The following SPEN variants were observed in gnomAD, a reference collection of about 807,000 sequenced individuals.
SPEN encodes the protein spen family transcriptional repressor, also known as msx2-interacting protein.
A neutral mutation model predicts 269.9 loss-of-function variants in SPEN; 18 were observed. The observed-to-expected ratio is 0.07, with a 90% CI of 0.05 to 0.10. The LOEUF (loss-of-function observed/expected upper bound fraction) is 0.10, where lower values mean the gene tolerates loss of function less well. Among genes scored for constraint, SPEN ranks in the 10% least tolerant of loss-of-function variants. The pLI is 1.00. For missense variants in SPEN, 3,822 were observed against 4,631.2 expected (o/e 0.83, Z 5.07); for synonymous variants, 1,726 against 1,765.7 (o/e 0.98, Z 0.56).
chr1:15,935,123 T>C lies in SPEN; in HGVS notation c.8883T>C (p.Ala2961=), dbSNP rs768041951. The C allele has an allele frequency of 3.1e-6, 5 of 1,613,956 alleles. No individual in the cohort carries two copies. The African/African-American group carries it at 5.3e-5, about 17-fold the overall frequency. The change falls in exon 11 of 15, where the codon GCT becomes GCC. Residue 2961 remains alanine, a synonymous_variant. Transcript: ENST00000375759. The surrounding 1 kb of genome is among the most constrained non-coding windows in gnomAD (Gnocchi z 7.7). The part of the protein sequence containing the change: ...PSIVTTNKKL[A]DPVTLKIETK... Reference sequence around the variant, plus strand: ...TTGTCACCACAAACAAGAAGCTTGCTGACCCCGTCACCCTTAAAATCGAGA... The same window carrying C: ...TTGTCACCACAAACAAGAAGCTTGCCGACCCCGTCACCCTTAAAATCGAGA...
intron 1 of SPEN, among the ~76,000 whole-genome samples, chr1:15,854,082 C>G (rs2070362731): frequency 6.6e-6 from 1 of 151,948 alleles, no homozygotes; most frequent in Non-Finnish European, 1.5e-5. Flanking sequence ...ATTACAGGCG[C>G]CAGCCACCAT....
In SPEN at chr1:15,937,716, T is replaced by C. The variant is rs1469357461; in HGVS notation, c.10509+71T>C. On this transcript the variant is annotated intron_variant, in intron 12 of 14. Transcript: ENST00000375759. The surrounding 1 kb of genome is among the most constrained non-coding windows in gnomAD (Gnocchi z 5.7). Reference sequence around the variant, plus strand: ...CCATGTCAAATGTCCTAAGATTCCCTAGTTAACAGACCCACAAGCTACAGC... The same window carrying C: ...CCATGTCAAATGTCCTAAGATTCCCCAGTTAACAGACCCACAAGCTACAGC... 1 of 1,606,446 alleles carries C rather than the reference T, an allele frequency of 6.2e-7. No individual in the cohort carries two copies. The highest frequency in any genetic ancestry group is 1.3e-5 in the African/African-American group (1 of 74,588).
Position 15,928,006 on chromosome 1 carries a change from C to A in SPEN, c.1851-85C>A. ...ATAATGTCAAAAGATTTTTTAGAAGCAGGAATTTCTGATTTCATATGTATG... is the reference window on the plus strand; with the variant it reads ...ATAATGTCAAAAGATTTTTTAGAAGAAGGAATTTCTGATTTCATATGTATG... On this transcript the variant is annotated intron_variant, in intron 10 of 14. Transcript: ENST00000375759. The surrounding 1 kb of genome is among the most constrained non-coding windows in gnomAD (Gnocchi z 5.7). The A allele has an allele frequency of 8.0e-7, 1 of 1,248,084 alleles. No homozygotes were observed. Among genetic ancestry groups the A allele is most frequent in the Non-Finnish European group, 1.1e-6 (1 of 903,312 alleles). 77.3% of individuals were successfully genotyped at this position (1,248,084 alleles called of 1,614,324 possible). A position where few individuals can be genotyped will look rare whatever the true frequency, so the allele number is the denominator to read the frequency against.
Position 15,886,959 on chromosome 1 carries a change from G to T in SPEN, c.881+10281G>T, listed in dbSNP as rs186919541. ...TGTGACATGACATGATGTCTTGTGG[G>T]TTTTAATTTACTCTGGATGATTGAT... On this transcript the variant is annotated intron_variant, in intron 3 of 14. Transcript: ENST00000375759. 7.7e-3 allele frequency among the ~76,000 whole-genome samples: 1,174 copies of T among 152,258 alleles called. 12 individuals are homozygous for T. The highest frequency in any genetic ancestry group is 0.01 in the Non-Finnish European group (700 of 68,016).
chr1:15,894,318 A>G (rs1374658235), intron 3 of SPEN, among the ~76,000 whole-genome samples: 1 of 152,158 alleles, frequency 6.6e-6, no homozygotes, highest in South Asian at 2.1e-4. Context: ...TTAGGCAGAC[A>G]TGTTACATCT....
chr1:15,883,412 G>A (rs937821566), intron 3 of SPEN, among the ~76,000 whole-genome samples: 6 of 152,242 alleles, frequency 3.9e-5, no homozygotes, highest in Admixed American at 1.3e-4. Context: ...CTTTGCATTA[G>A]AACGATGTAC....
rs1285751623 is a variant in SPEN, at chr1:15,877,498, T to G, written c.881+820T>G. 2.0e-5 allele frequency among the ~76,000 whole-genome samples: 3 copies of G among 152,172 alleles called. No individual in the cohort carries two copies. In the East Asian group the frequency reaches 5.8e-4, roughly 29 times the overall value. On this transcript the variant is annotated intron_variant, in intron 3 of 14. Coordinates refer to ENST00000375759, the MANE Select transcript of SPEN (RefSeq NM_015001.3). ...CCAGGCTGTTCTTGAACTCCTGACCTCAAGTGATTTGCCCACCTCATCCTC... is the reference window on the plus strand; with the variant it reads ...CCAGGCTGTTCTTGAACTCCTGACCGCAAGTGATTTGCCCACCTCATCCTC...
At chr1:15,936,641 T>TAAA (rs1570073342) in intron 11 of SPEN, among the ~76,000 whole-genome samples, 1 of 69,122 alleles carries the variant, frequency 1.4e-5, no homozygotes, top group African/African-American at 4.3e-5. Flanking sequence ...AGACCCAGTC[T>TAAA]CAAAAAAAAA....
chr1:15,928,666 T>C lies in SPEN; in HGVS notation c.2426T>C (p.Ile809Thr), dbSNP rs1570058620. Residue 809 changes from isoleucine to threonine, a missense_variant, in exon 11 of 15, where the codon ATA (isoleucine) becomes ACA (threonine). Around this residue, in one of 16 missense-constraint regions of SPEN, gnomAD observed 572 missense variants for 582.6 expected, o/e 0.98. Transcript: ENST00000375759. The surrounding 1 kb of genome is among the most constrained non-coding windows in gnomAD (Gnocchi z 5.7). ...AGAGTGGAGAGAGAGAGACGCTTAA[T>C]ACGGAAGGAAAAAGTGGAAAAGGAC... is the stretch of plus-strand genomic sequence containing the variant. Reference protein sequence around the residue: ...PERVERERRLIRKEKVEKDKT... With the variant: ...PERVERERRLTRKEKVEKDKT... The C allele has an allele frequency of 1.2e-6, 2 of 1,613,704 alleles. No homozygotes were observed. Among genetic ancestry groups the C allele is most frequent in the East Asian group, 4.5e-5 (2 of 44,848 alleles).
At chr1:15,904,451 T>TAAAAA in intron 3 of SPEN, among the ~76,000 whole-genome samples, 1 of 15,876 alleles carries the variant, frequency 6.3e-5, no homozygotes, top group South Asian at 2.3e-3. Flanking sequence ...AAACTCCATC[T>TAAAAA]CAAAAAAAAA....
At chr1:15,888,777 A>G (rs1230737320) in intron 3 of SPEN, among the ~76,000 whole-genome samples, 1 of 151,738 alleles carries the variant, frequency 6.6e-6, no homozygotes, top group African/African-American at 2.4e-5. Flanking sequence ...GATTACAGAC[A>G]TGCGCCACCA....
chr1:15,871,073 A>G (rs925744059), intron 1 of SPEN, among the ~76,000 whole-genome samples: 1 of 151,980 alleles, frequency 6.6e-6, no homozygotes, highest in Non-Finnish European at 1.5e-5. Context: ...GGTTCAAGTG[A>G]TTCTCCTGCC....
chr1:15,864,385 T>C (rs949797616), intron 1 of SPEN, among the ~76,000 whole-genome samples: 1 of 151,950 alleles, frequency 6.6e-6, no homozygotes, highest in African/African-American at 2.4e-5. Context: ...GGCAAGGCTG[T>C]TCTCAAACTC....
chr1:15,888,011 G>A lies in SPEN; in HGVS notation c.881+11333G>A, dbSNP rs763796077. 6.4e-4 allele frequency among the ~76,000 whole-genome samples: 97 copies of A among 151,734 alleles called. 1 individual carries two copies. The highest frequency in any genetic ancestry group is 2.6e-3 in the Admixed American group (40 of 15,238). ...CCACTGCACTCCAGCTTGGGTGACC[G>A]AGGGACACTCCGTCTCAATAAAAAC... On this transcript the variant is annotated intron_variant, in intron 3 of 14. Coordinates refer to ENST00000375759, the MANE Select transcript of SPEN (RefSeq NM_015001.3).
chr1:15,864,760 C>T (rs2070485434), intron 1 of SPEN, among the ~76,000 whole-genome samples: 1 of 151,380 alleles, frequency 6.6e-6, no homozygotes, highest in South Asian at 2.1e-4. Flanking sequence ...CCCGTCTCAG[C>T]CTACCGAGTA....
chr1:15,865,679 T>C (rs914029128), intron 1 of SPEN, among the ~76,000 whole-genome samples: 2 of 147,306 alleles, frequency 1.4e-5, no homozygotes, highest in African/African-American at 5.0e-5. Flanking sequence ...ACCCATTTTG[T>C]CCTCCCAAAG....
At chr1:15,883,954 C>T (rs1276624691) in intron 3 of SPEN, among the ~76,000 whole-genome samples, 9 of 151,638 alleles carry the variant, frequency 5.9e-5, no homozygotes, top group South Asian at 2.1e-4. Flanking sequence ...GGCCTACAGG[C>T]GCCCGCCACC....
chr1:15,930,495 G>A lies in SPEN; in HGVS notation c.4255G>A (p.Asp1419Asn). 1 of 1,614,196 alleles carries A rather than the reference G, an allele frequency of 6.2e-7. No individual in the cohort carries two copies. The highest frequency in any genetic ancestry group is 8.5e-7 in the Non-Finnish European group (1 of 1,180,046). Reference protein sequence around the residue: ...RDREDKLRERDERLSSSLERN... With the variant: ...RDREDKLRERNERLSSSLERN... ...CAGAGAAGACAAGCTACGTGAGCGA[G>A]ATGAAAGACTCTCTAGTTCTTTAGA... Residue 1419 changes from aspartate to asparagine, a missense_variant, in exon 11 of 15, where the codon GAT becomes AAT. Transcript: ENST00000375759. The surrounding 1 kb of genome is among the most constrained non-coding windows in gnomAD (Gnocchi z 5.3).
At chr1:15,922,464 T>G in intron 10 of SPEN, 115 bp downstream of exon 10, 1 of 646,822 alleles carries the variant, frequency 1.5e-6, no homozygotes, top group South Asian at 2.1e-5. Context: ...TCTTCTAGAA[T>G]AGAGAATGCT....
Sources: gnomAD v4.1 joint callset for allele counts (sites outside exome capture counted in the v4.1 genomes callset) on GRCh38, gnomAD v4.1.1 for gene constraint, gnomAD v4.1.1 regional missense constraint, Gnocchi (gnomAD v3.1) non-coding constraint, MANE v1.5 for transcripts, NCBI Gene and HGNC (gene_info 2026-07-23, HGNC 2026-07-21) for gene names.